The following GRID1 variants were observed in gnomAD, a reference collection of about 807,000 sequenced individuals.
GRID1 encodes the protein glutamate ionotropic receptor delta type subunit 1.
In GRID1, 28 loss-of-function variants were observed where a neutral mutation model predicts 98.0. That is an observed-to-expected ratio of 0.29 (90% CI 0.21 to 0.39). The LOEUF (loss-of-function observed/expected upper bound fraction) is 0.39, where lower values mean the gene tolerates loss of function less well. GRID1 is among the 10% of genes least tolerant of loss of function. The pLI is 1.00. For missense variants in GRID1, 1,111 were observed against 1,340.5 expected, an observed-to-expected ratio of 0.83 and a Z score of 2.67; for synonymous variants, 553 against 538.5, an observed-to-expected ratio of 1.03 and a Z score of -0.37.
intron 8 of GRID1, among the ~76,000 whole-genome samples, chr10:85,830,140 C>G (rs1342642441): frequency 6.6e-6 from 1 of 151,888 alleles, no homozygotes; most frequent in African/African-American, 2.4e-5. Context: ...AATAAAGAGC[C>G]CAGAAAGAAA....
At chr10:85,629,602 A>T (rs1236493236) in intron 13 of GRID1, among the ~76,000 whole-genome samples, 2 of 152,238 alleles carry the variant, frequency 1.3e-5, no homozygotes, top group African/African-American at 4.8e-5. Flanking sequence ...CTTTGCATAA[A>T]TATACATATA....
At chr10:85,703,776 T>G (rs894039569) in intron 12 of GRID1, among the ~76,000 whole-genome samples, 2 of 152,034 alleles carry the variant, frequency 1.3e-5, no homozygotes, top group Non-Finnish European at 2.9e-5. Context: ...AAAAATAAAA[T>G]CATATATTTA....
At chr10:86,351,648 A>T (rs777704392) in intron 2 of GRID1, among the ~76,000 whole-genome samples, 1 of 152,190 alleles carries the variant, frequency 6.6e-6, no homozygotes, top group Non-Finnish European at 1.5e-5. Flanking sequence ...TTGGGAGAAG[A>T]TCCCAGGGCC....
chr10:85,624,705 G>A (rs1274217933), intron 13 of GRID1, among the ~76,000 whole-genome samples: 1 of 152,106 alleles, frequency 6.6e-6, no homozygotes, highest in Non-Finnish European at 1.5e-5. Flanking sequence ...AATCCTTCAT[G>A]GCTACCGGCA....
chr10:86,232,515 T>C (rs1231104011), intron 2 of GRID1, among the ~76,000 whole-genome samples: 1 of 152,126 alleles, frequency 6.6e-6, no homozygotes, highest in Non-Finnish European at 1.5e-5. Context: ...ATCCTGAACC[T>C]ACCCCCACCA....
At chr10:85,702,412 G>A (rs930118154) in intron 12 of GRID1, among the ~76,000 whole-genome samples, 6 of 152,094 alleles carry the variant, frequency 3.9e-5, no homozygotes, top group African/African-American at 1.4e-4. Context: ...AAAATGATCA[G>A]AGAATGTGAC....
At chr10:85,833,627 G>GA (rs1842888540) in intron 8 of GRID1, among the ~76,000 whole-genome samples, 1 of 151,650 alleles carries the variant, frequency 6.6e-6, no homozygotes, top group South Asian at 2.1e-4. Context: ...ACTTGAATAA[G>GA]AAAAAATGAT....
At chr10:86,363,712 A>G (rs1483987306) in intron 2 of GRID1, among the ~76,000 whole-genome samples, 4 of 152,176 alleles carry the variant, frequency 2.6e-5, no homozygotes, top group African/African-American at 9.6e-5. Context: ...CCGCAAGAAC[A>G]CCAGCTCCCC....
Position 86,014,668 on chromosome 10 carries a change from G to C in GRID1, c.727-98429C>G, listed in dbSNP as rs180932292. Among the ~76,000 whole-genome samples, 200 of 152,314 alleles carry C rather than the reference G, an allele frequency of 1.3e-3. 2 individuals carry two copies. In the Middle Eastern group the frequency reaches 0.017, roughly 13 times the overall value. On this transcript the variant is annotated intron_variant, in intron 4 of 15. Coordinates refer to ENST00000327946, the MANE Select transcript of GRID1 (RefSeq NM_017551.3). ...AAGTATGTAGATGCCATCCAGAAGC[G>C]CACTGCCATAGCACTACAATTACAC...
intron 4 of GRID1, among the ~76,000 whole-genome samples, chr10:86,035,501 G>A (rs1351707579): frequency 6.6e-6 from 1 of 152,224 alleles, no homozygotes; most frequent in African/African-American, 2.4e-5. Flanking sequence ...GTGCTCACAG[G>A]TCCCAACAGA....
At chr10:85,828,831 G>T (rs1169781255) in intron 8 of GRID1, among the ~76,000 whole-genome samples, 1 of 152,006 alleles carries the variant, frequency 6.6e-6, no homozygotes, top group Non-Finnish European at 1.5e-5. Context: ...CTACCAACCA[G>T]AAAAAGCCCA....
chr10:85,747,098 C>A (rs1842004541), intron 8 of GRID1, among the ~76,000 whole-genome samples: 1 of 151,992 alleles, frequency 6.6e-6, no homozygotes, highest in Non-Finnish European at 1.5e-5. Context: ...AAATTTTTAT[C>A]CTCAATTTTG....
intron 4 of GRID1, among the ~76,000 whole-genome samples, chr10:86,101,965 TC>T (rs1213940135): frequency 6.6e-6 from 1 of 152,224 alleles, no homozygotes; most frequent in Non-Finnish European, 1.5e-5. Context: ...TGGGATGGTT[TC>T]CAGTTTGCGG....
At chr10:86,277,559 T>A (rs1847291043) in intron 2 of GRID1, among the ~76,000 whole-genome samples, 1 of 152,208 alleles carries the variant, frequency 6.6e-6, no homozygotes. Flanking sequence ...CATAATAACA[T>A]AAACAAGGAA....
Position 85,805,742 on chromosome 10 carries a change from C to T in GRID1, c.1233+48754G>A, listed in dbSNP as rs61025546. On this transcript the variant is annotated intron_variant, in intron 8 of 15. Coordinates refer to ENST00000327946, the MANE Select transcript of GRID1 (RefSeq NM_017551.3). ...AAGTAATAAATTAGGGCAAGAAATG[C>T]CTTTTCAATAATTAGATATCATATG... Among the ~76,000 whole-genome samples, 929 of 151,860 alleles carry T rather than the reference C, an allele frequency of 6.1e-3. 7 individuals carry two copies. The highest frequency in any genetic ancestry group is 0.021 in the African/African-American group (858 of 41,496).
rs1160171716 is a variant in GRID1, at chr10:85,795,639, GA to G, written c.1233+58856del. ...AGGGAAAACAATTACCAGGAAACAG[GA>G]AGACAGAAAACAGGAAGTGGAGGAG... On this transcript the variant is annotated intron_variant, in intron 8 of 15. Transcript: ENST00000327946. Among the ~76,000 whole-genome samples, 5 of 152,126 alleles carry G rather than the reference GA, an allele frequency of 3.3e-5. No homozygotes were observed. In the South Asian group the frequency reaches 8.3e-4, roughly 25 times the overall value.
intron 4 of GRID1, among the ~76,000 whole-genome samples, chr10:85,975,127 T>C (rs551615908): frequency 4.0e-4 from 61 of 152,336 alleles, no homozygotes; most frequent in African/African-American, 1.4e-3. Context: ...AATGAATTTG[T>C]CCAAAATCTC....
At chr10:86,299,148 T>G (rs922994885) in intron 2 of GRID1, among the ~76,000 whole-genome samples, 1 of 151,812 alleles carries the variant, frequency 6.6e-6, no homozygotes, top group South Asian at 2.1e-4. Flanking sequence ...GCCTGTTCCA[T>G]GTGGTACTGC....
intron 4 of GRID1, among the ~76,000 whole-genome samples, chr10:85,984,366 GGTGGGAGATT>G (rs1842583550): frequency 6.6e-6 from 1 of 152,198 alleles, no homozygotes; most frequent in Admixed American, 6.5e-5. Context: ...CAGCAGGCAG[GGTGGGAGATT>G]CTAGTCTCCA....
Sources: gnomAD v4.1 joint callset for allele counts (sites outside exome capture counted in the v4.1 genomes callset) on GRCh38, gnomAD v4.1.1 for gene constraint, MANE v1.5 for transcripts, NCBI Gene and HGNC (gene_info 2026-07-23, HGNC 2026-07-21) for gene names.